EEFSEC: variants seen among roughly 807,000 people sequenced by gnomAD.
EEFSEC encodes the protein eukaryotic elongation factor, selenocysteine-tRNA specific, also known as selenocysteine-specific elongation factor.
EEFSEC carries 43 observed loss-of-function variants against 42.1 expected under a neutral mutation model. The observed-to-expected ratio is 1.02, with a 90% CI of 0.80 to 1.32. EEFSEC has a LOEUF of 1.32. Among genes scored for constraint, EEFSEC ranks in the 40% most tolerant of loss-of-function variants. The pLI is 0.00. For missense variants in EEFSEC, 745 were observed against 803.6 expected, an observed-to-expected ratio of 0.93 and a Z score of 0.88; for synonymous variants, 354 against 339.1, an observed-to-expected ratio of 1.04 and a Z score of -0.48.
At chr3:128,274,762 G>A (rs938767355) in intron 4 of EEFSEC, among the ~76,000 whole-genome samples, 1 of 152,228 alleles carries the variant, frequency 6.6e-6, no homozygotes, top group African/African-American at 2.4e-5. Flanking sequence ...CAGGAACACA[G>A]AGTCTTGGGT....
intron 4 of EEFSEC, among the ~76,000 whole-genome samples, chr3:128,312,574 A>G (rs536406023): frequency 6.6e-6 from 1 of 152,382 alleles, no homozygotes; most frequent in African/African-American, 2.4e-5. Flanking sequence ...AGAGGCGTCC[A>G]TGGTTGTTGA....
At chr3:128,194,090 C>T (rs917280682) in intron 1 of EEFSEC, among the ~76,000 whole-genome samples, 29 of 152,228 alleles carry the variant, frequency 1.9e-4, no homozygotes, top group Admixed American at 2.0e-4. Flanking sequence ...ACCCAATATT[C>T]CTGGTGTGGA....
chr3:128,364,995 G>T (rs2067572216), intron 6 of EEFSEC, among the ~76,000 whole-genome samples: 1 of 152,248 alleles, frequency 6.6e-6, no homozygotes, highest in Non-Finnish European at 1.5e-5. Flanking sequence ...GCTGAGGGCA[G>T]TGCCAGCCCT....
chr3:128,262,133 G>A lies in EEFSEC; in HGVS notation c.530G>A (p.Arg177Gln), dbSNP rs1378138401. The A allele has an allele frequency of 1.6e-5, 26 of 1,613,934 alleles. No homozygotes were observed. Among genetic ancestry groups the A allele is most frequent in the East Asian group, 2.2e-5 (1 of 44,880 alleles). Residue 177 changes from arginine (R) to glutamine (Q), a missense_variant, in exon 3 of 7, where the codon CGA becomes CAA. Arg to Gln is a conservative substitution (Grantham distance 43). Coordinates refer to ENST00000254730, the MANE Select transcript of EEFSEC (RefSeq NM_021937.5). Reference protein sequence around the residue: ...MQKTLENTKFRGAPIIPVAAK... With the variant: ...MQKTLENTKFQGAPIIPVAAK... ...GGACTTATTTTCCATTTCAGGTTCC[G>A]AGGTGCACCGATTATACCCGTGGCG...
chr3:128,353,767 G>T (rs62270893), intron 5 of EEFSEC, among the ~76,000 whole-genome samples: 1 of 152,232 alleles, frequency 6.6e-6, no homozygotes, highest in African/African-American at 2.4e-5. Context: ...TTGGAATGGG[G>T]CATTGCCACA....
chr3:128,179,658 A>C (rs2811476), intron 1 of EEFSEC, among the ~76,000 whole-genome samples: 43,301 of 152,116 alleles, frequency 0.28, 6,358 homozygotes, highest in South Asian at 0.36. Context: ...GAGATGCAGT[A>C]GTGGCTTGGG....
intron 4 of EEFSEC, among the ~76,000 whole-genome samples, chr3:128,334,439 TCTGCTCGA>T (rs1319647134): frequency 1.3e-5 from 2 of 152,234 alleles, no homozygotes; most frequent in East Asian, 3.9e-4. Flanking sequence ...AGGGTGTGGT[TCTGCTCGA>T]CTGTCAGAGC....
At chr3:128,215,087 C>T (rs2065796139) in intron 1 of EEFSEC, among the ~76,000 whole-genome samples, 2 of 152,034 alleles carry the variant, frequency 1.3e-5, no homozygotes, top group Non-Finnish European at 2.9e-5. Flanking sequence ...AGTGTAGTCT[C>T]TTCACCTCCT....
Position 128,175,276 on chromosome 3 carries a change from C to T in EEFSEC, c.316+21453C>T, listed in dbSNP as rs974353450. On this transcript the variant is annotated intron_variant, in intron 1 of 6. Transcript: ENST00000254730. ...ACTCTAATGCTAGGAATTATTTCCT[C>T]TTTTGTGGTCTTTGGTCTTTCCTTC... is the stretch of plus-strand genomic sequence containing the variant. Among the ~76,000 whole-genome samples, 62 of 152,160 alleles carry T rather than the reference C, an allele frequency of 4.1e-4. 1 individual carries two copies. Among genetic ancestry groups the T allele is most frequent in the Non-Finnish European group, 1.8e-4 (12 of 68,034 alleles).
intron 1 of EEFSEC, among the ~76,000 whole-genome samples, chr3:128,154,738 C>T (rs1016637456): frequency 6.6e-6 from 1 of 152,136 alleles, no homozygotes; most frequent in African/African-American, 2.4e-5. Flanking sequence ...CGTGAGCCAC[C>T]ACGTCCGGCC....
At chr3:128,165,696 A>G (rs1188342487) in intron 1 of EEFSEC, among the ~76,000 whole-genome samples, 1 of 152,248 alleles carries the variant, frequency 6.6e-6, no homozygotes, top group Non-Finnish European at 1.5e-5. Flanking sequence ...ATTTGGTGCC[A>G]TGCACAGGTG....
intron 6 of EEFSEC, among the ~76,000 whole-genome samples, chr3:128,401,124 G>A (rs1559960042): frequency 6.6e-6 from 1 of 152,168 alleles, no homozygotes; most frequent in Admixed American, 6.5e-5. Context: ...ACCCTGCCAG[G>A]TAGAGAGCCA....
intron 1 of EEFSEC, among the ~76,000 whole-genome samples, chr3:128,223,420 G>A (rs2065879566): frequency 6.6e-6 from 1 of 152,180 alleles, no homozygotes; most frequent in Admixed American, 6.5e-5. Flanking sequence ...CAGAAGTGTG[G>A]GTGGCCTAGG....
chr3:128,217,414 T>C (rs1031225777), intron 1 of EEFSEC, among the ~76,000 whole-genome samples: 1 of 152,126 alleles, frequency 6.6e-6, no homozygotes, highest in Non-Finnish European at 1.5e-5. Flanking sequence ...GTAGTAGTGG[T>C]GTCCTGTTCA....
chr3:128,197,579 A>G (rs2065598220), intron 1 of EEFSEC, among the ~76,000 whole-genome samples: 1 of 152,080 alleles, frequency 6.6e-6, no homozygotes, highest in South Asian at 2.1e-4. Flanking sequence ...GGCCGGAAAT[A>G]CGCATTTTTA....
At chr3:128,322,406 T>C (rs993229062) in intron 4 of EEFSEC, among the ~76,000 whole-genome samples, 4 of 152,222 alleles carry the variant, frequency 2.6e-5, no homozygotes, top group African/African-American at 9.6e-5. Flanking sequence ...GCTGCCGACA[T>C]CATCATCACG....
At chr3:128,287,868 C>T (rs1314652747) in intron 4 of EEFSEC, among the ~76,000 whole-genome samples, 1 of 152,206 alleles carries the variant, frequency 6.6e-6, no homozygotes, top group Non-Finnish European at 1.5e-5. Context: ...AGTCTATGTG[C>T]ATTCAAGCAT....
At chr3:128,370,604 C>A (rs193000206) in intron 6 of EEFSEC, among the ~76,000 whole-genome samples, 1 of 152,210 alleles carries the variant, frequency 6.6e-6, no homozygotes, top group African/African-American at 2.4e-5. Flanking sequence ...GCTGCTACTT[C>A]CCCCAAAGCC....
At chr3:128,234,813 A>T (rs2065991973) in intron 1 of EEFSEC, among the ~76,000 whole-genome samples, 1 of 152,234 alleles carries the variant, frequency 6.6e-6, no homozygotes, top group Admixed American at 6.5e-5. Context: ...GATCCCAGTG[A>T]GAAAGTTATT....
Sources: gnomAD v4.1 joint callset for allele counts (sites outside exome capture counted in the v4.1 genomes callset) on GRCh38, gnomAD v4.1.1 for gene constraint, MANE v1.5 for transcripts, NCBI Gene and HGNC (gene_info 2026-07-23, HGNC 2026-07-21) for gene names.